The following DNAH6 variants were observed in gnomAD, a reference collection of about 807,000 sequenced individuals.
DNAH6 encodes the protein axonemal beta dynein heavy chain 6.
A neutral mutation model predicts 491.4 loss-of-function variants in DNAH6; 340 were observed. The observed-to-expected ratio is 0.69, with a 90% CI of 0.63 to 0.76. The LOEUF is 0.76. Among genes scored for constraint, DNAH6 ranks in the 30% least tolerant of loss-of-function variants. DNAH6 has a pLI of 0.00. For synonymous variants in DNAH6, 1,603 were observed against 1,686.1 expected (o/e 0.95, Z 1.21); for missense variants, 4,443 against 4,972.2 (o/e 0.89, Z 3.20).
At chr2:84,724,993 G>T (rs1698492075) in intron 60 of DNAH6, among the ~76,000 whole-genome samples, 2 of 152,172 alleles carry the variant, frequency 1.3e-5, no homozygotes, top group South Asian at 4.1e-4. Context: ...TATTTGATAT[G>T]CTTCATCTGG....
chr2:84,597,708 C>T (rs6748316), intron 18 of DNAH6, among the ~76,000 whole-genome samples: 110 of 152,304 alleles, frequency 7.2e-4, no homozygotes, highest in African/African-American at 2.5e-3. Flanking sequence ...GGGGAAAAAA[C>T]AAATTTCCAT....
intron 64 of DNAH6, among the ~76,000 whole-genome samples, chr2:84,779,047 A>G (rs1417807784): frequency 1.3e-5 from 2 of 152,294 alleles, no homozygotes; most frequent in Middle Eastern, 3.4e-3. Flanking sequence ...TATCAAATCT[A>G]TTATGGTTGA....
intron 54 of DNAH6, among the ~76,000 whole-genome samples, chr2:84,707,991 G>A (rs1696643336): frequency 6.6e-6 from 1 of 152,186 alleles, no homozygotes; most frequent in African/African-American, 2.4e-5. Context: ...AAAAGAGACA[G>A]TGAGTCCCCT....
chr2:84,721,941 A>G (rs1698203322), intron 59 of DNAH6, among the ~76,000 whole-genome samples: 2 of 152,228 alleles, frequency 1.3e-5, no homozygotes, highest in Admixed American at 6.5e-5. Flanking sequence ...GGCAGACAGC[A>G]GTAGAAAGAG....
intron 13 of DNAH6, 75 bp from the exon 14 acceptor site, chr2:84,579,452 T>G: frequency 6.7e-7 from 1 of 1,482,298 alleles, no homozygotes; most frequent in Non-Finnish European, 9.3e-7. Flanking sequence ...ACAAATCCAA[T>G]TAGGATTTGT....
chr2:84,507,687 G>C, the DNAH6 span, among the ~76,000 whole-genome samples: 1 of 152,146 alleles, frequency 6.6e-6, no homozygotes. Context: ...CATTCAGTAT[G>C]ATATTGGCTG....
At position 84,796,432 on chromosome 2, in the gene DNAH6, G is replaced by T; in HGVS notation, c.11359+7G>T. 2 of 1,500,948 alleles carry T rather than the reference G, an allele frequency of 1.3e-6. No individual in the cohort carries two copies. The highest frequency in any genetic ancestry group is 1.3e-5 in the South Asian group (1 of 75,152). The allele number at this position is 1,500,948 out of a possible 1,614,324, so 93.0% of individuals were successfully genotyped here. On this transcript the variant is annotated splice_region_variant and intron_variant, in intron 69 of 76. Transcript: ENST00000389394. ...TATAAATACTCTGAATCAGGTGAATGACTTTTCAATATTACAGAAAAGGCC... is the reference window on the plus strand; with the variant it reads ...TATAAATACTCTGAATCAGGTGAATTACTTTTCAATATTACAGAAAAGGCC...
chr2:84,502,558 C>T, the DNAH6 span, among the ~76,000 whole-genome samples: 1 of 152,082 alleles, frequency 6.6e-6, no homozygotes, highest in South Asian at 2.1e-4. Flanking sequence ...CAGATTAAGT[C>T]TGATGTTTCT....
At position 84,694,405 on chromosome 2, in the gene DNAH6, T is replaced by C. The variant is rs1207410053; in HGVS notation, c.7449T>C (p.His2483=). 2 of 1,552,338 alleles carry C rather than the reference T, an allele frequency of 1.3e-6. No homozygotes were observed. The highest frequency in any genetic ancestry group is 3.9e-5 in the Admixed American group (2 of 51,018). The change falls in exon 46 of 77, where the codon CAT becomes CAC. Residue 2483 remains histidine, a synonymous_variant. Transcript: ENST00000389394. Reference sequence around the variant, plus strand: ...GGGGATATAATTATGATAGTTTTCATGAAGACCTGAGGAAGTTGTACAAAA... The same window carrying C: ...GGGGATATAATTATGATAGTTTTCACGAAGACCTGAGGAAGTTGTACAAAA... ...LSRGYNYDSF[H]EDLRKLYKMA...
intron 29 of DNAH6, among the ~76,000 whole-genome samples, chr2:84,631,336 A>G (rs1312367331): frequency 1.3e-5 from 2 of 152,174 alleles, no homozygotes; most frequent in African/African-American, 4.8e-5. Flanking sequence ...AGCCTCCTGT[A>G]TAATGTTATT....
intron 14 of DNAH6, among the ~76,000 whole-genome samples, chr2:84,582,657 T>C (rs1179592272): frequency 6.6e-6 from 1 of 152,192 alleles, no homozygotes; most frequent in Non-Finnish European, 1.5e-5. Context: ...TTTCACCGTG[T>C]TAGCCAGGAT....
chr2:84,769,033 C>T (rs948093937), intron 64 of DNAH6, among the ~76,000 whole-genome samples: 4 of 152,206 alleles, frequency 2.6e-5, no homozygotes, highest in Non-Finnish European at 1.5e-5. Context: ...GTTATATAAC[C>T]TGTTCATGTA....
intron 63 of DNAH6, among the ~76,000 whole-genome samples, chr2:84,758,895 C>T (rs1028952580): frequency 1.8e-4 from 27 of 152,168 alleles, no homozygotes; most frequent in African/African-American, 5.8e-4. Context: ...ACAAGGATGC[C>T]CACTTTTACC....
chr2:84,805,788 G>A lies in DNAH6; in HGVS notation c.11605G>A (p.Val3869Ile). ...ACTTGTTGCTTCTGTCCAGACCAGAGTTCCAGGTAATAAATAATTCTAGGA... is the reference window on the plus strand; with the variant it reads ...ACTTGTTGCTTCTGTCCAGACCAGAATTCCAGGTAATAAATAATTCTAGGA... The part of the protein sequence containing the change: ...QELVASVQTR[V>I]PEKLEMEGAS... The change falls in exon 71 of 77, where the codon GTT becomes ATT. Residue 3869 changes from valine to isoleucine, a missense_variant. By Grantham distance (29) the Val-to-Ile change is conservative (BLOSUM62 3). Transcript: ENST00000389394. The A allele has an allele frequency of 5.2e-6, 8 of 1,548,626 alleles. No homozygotes were observed. Among genetic ancestry groups the A allele is most frequent in the Non-Finnish European group, 7.0e-6 (8 of 1,146,036 alleles).
intron 59 of DNAH6, among the ~76,000 whole-genome samples, chr2:84,719,870 AC>A (rs1553476451): frequency 1.6e-5 from 1 of 63,362 alleles, no homozygotes; most frequent in Admixed American, 1.3e-4. Context: ...TGTACCTCTA[AC>A]ACACACACAC....
At chr2:84,726,911 A>G (rs1291974217) in intron 60 of DNAH6, among the ~76,000 whole-genome samples, 1 of 152,220 alleles carries the variant, frequency 6.6e-6, no homozygotes, top group Non-Finnish European at 1.5e-5. Flanking sequence ...CAGTATCTTT[A>G]TAATATGGGG....
chr2:84,759,267 G>A (rs548494493), intron 63 of DNAH6, among the ~76,000 whole-genome samples: 1 of 151,656 alleles, frequency 6.6e-6, no homozygotes, highest in African/African-American at 2.4e-5. Flanking sequence ...TCACACTTTG[G>A]GAGGCCAAGA....
At chr2:84,514,828 T>G (rs1675476522), upstream of DNAH6, among the ~76,000 whole-genome samples, 1 of 149,308 alleles carries the variant, frequency 6.7e-6, no homozygotes, top group Non-Finnish European at 1.5e-5. Flanking sequence ...TAAAACTATG[T>G]CTGTGTCTTC....
intron 62 of DNAH6, among the ~76,000 whole-genome samples, chr2:84,736,609 G>T (rs1699559716): frequency 6.6e-6 from 1 of 151,960 alleles, no homozygotes; most frequent in Non-Finnish European, 1.5e-5. Context: ...AAATGGGATT[G>T]CATTCTTTAT....
Sources: gnomAD v4.1 joint callset for allele counts (sites outside exome capture counted in the v4.1 genomes callset) on GRCh38, gnomAD v4.1.1 for gene constraint, MANE v1.5 for transcripts, NCBI Gene and HGNC (gene_info 2026-07-23, HGNC 2026-07-21) for gene names.